Variants in FNIP2 observed in about 807,000 individuals in gnomAD.
FNIP2 encodes folliculin interacting protein 2.
FNIP2 carries 32 observed loss-of-function variants against 108.7 expected under a neutral mutation model. The ratio of observed to expected loss-of-function variants is 0.29; its 90% CI spans 0.22 to 0.40. The LOEUF (loss-of-function observed/expected upper bound fraction) is 0.40. FNIP2 is among the 10% of genes least tolerant of loss of function. The probability of loss-of-function intolerance (pLI) is 1.00; values close to 1 mark genes in which losing one functional copy is unlikely to be tolerated. For synonymous variants in FNIP2, 480 were observed against 496.7 expected, an observed-to-expected ratio of 0.97 and a Z score of 0.45; for missense variants, 1,202 against 1,381.6, an observed-to-expected ratio of 0.87 and a Z score of 2.06.
chr4:158,904,713 C>A lies in FNIP2; in HGVS notation c.*169C>A. 1.7e-6 allele frequency: 1 copy of A among 604,814 alleles called. No individual in the cohort carries two copies. Among genetic ancestry groups the A allele is most frequent in the Non-Finnish European group, 2.9e-6 (1 of 342,168 alleles). 37.5% of individuals were successfully genotyped at this position (604,814 alleles called of 1,614,324 possible). ...TGTCAAGCTGATGCTTCATTGAAGACTTAGGTTTACTTGACATAATAGCAT... is the reference window on the plus strand; with the variant it reads ...TGTCAAGCTGATGCTTCATTGAAGAATTAGGTTTACTTGACATAATAGCAT... On this transcript the variant is annotated 3_prime_UTR_variant, in exon 17 of 17. Transcript: ENST00000264433.
intron 1 of FNIP2, among the ~76,000 whole-genome samples, chr4:158,779,829 C>G (rs1036726904): frequency 5.3e-5 from 8 of 151,712 alleles, no homozygotes; most frequent in African/African-American, 9.7e-5. Context: ...GTGATTCCCC[C>G]ACCCTGAGCC....
chr4:158,806,452 C>A (rs1486622647), intron 1 of FNIP2: 3 of 1,267,426 alleles, frequency 2.4e-6, no homozygotes, highest in Non-Finnish European at 3.1e-6. Flanking sequence ...TTCAAAGTCT[C>A]AGATAATTTT....
chr4:158,870,503 G>T (rs1394858224), intron 14 of FNIP2, 34 bp downstream of exon 14: 1 of 1,575,476 alleles, frequency 6.3e-7, no homozygotes, highest in Non-Finnish European at 8.6e-7. Context: ...TCTGGCTGCT[G>T]ACAGTGTGTC....
At chr4:158,861,536 G>A (rs1578931062) in intron 11 of FNIP2, 48 bp downstream of exon 11, 1 of 1,613,660 alleles carries the variant, frequency 6.2e-7, no homozygotes. Context: ...CATGGCCAAT[G>A]TGTGTACTGC....
intron 7 of FNIP2, among the ~76,000 whole-genome samples, chr4:158,841,608 A>C (rs1343304055): frequency 1.3e-5 from 2 of 152,318 alleles, no homozygotes; most frequent in East Asian, 1.9e-4. Flanking sequence ...GCACAATTCC[A>C]TACAGGCAAA....
At chr4:158,852,153 G>T (rs1169811784) in intron 8 of FNIP2, among the ~76,000 whole-genome samples, 1 of 152,180 alleles carries the variant, frequency 6.6e-6, no homozygotes, top group Non-Finnish European at 1.5e-5. Flanking sequence ...CCTGTACTTG[G>T]ATAGTTTACA....
chr4:158,781,600 C>T (rs1266885928), intron 1 of FNIP2, among the ~76,000 whole-genome samples: 2 of 152,068 alleles, frequency 1.3e-5, no homozygotes, highest in East Asian at 1.9e-4. Context: ...CAGCAACCCC[C>T]GCCTCCCAGG....
rs981000618 is a variant in FNIP2 at position 158,829,158 on chromosome 4, G to GCAT, written c.316_318dup (p.Ile106dup). 4 of 1,613,004 alleles carry GCAT rather than the reference G, an allele frequency of 2.5e-6. No homozygotes were observed. The African/African-American group carries it at 4.0e-5, about 16-fold the overall frequency. ...AGTGTCAGCAGCAGTAGCAGCAGCA[G>GCAT]CATCTCTTCCCACAGTTCTTCTGGG... On this transcript the variant is annotated inframe_insertion, in exon 3 of 17. Transcript: ENST00000264433.
At chr4:158,884,584 G>A (rs1467533088) in intron 14 of FNIP2, among the ~76,000 whole-genome samples, 1 of 152,104 alleles carries the variant, frequency 6.6e-6, no homozygotes, top group Non-Finnish European at 1.5e-5. Flanking sequence ...AGGCATTCTG[G>A]GCACAACCTG....
At chr4:158,795,847 G>T (rs1288183073) in intron 1 of FNIP2, 1 of 152,238 alleles carries the variant, frequency 6.6e-6, no homozygotes, top group Non-Finnish European at 1.5e-5. Context: ...CTCCTTATGA[G>T]AATCTAACGC....
chr4:158,855,164 CT>C (rs1405659724), intron 8 of FNIP2, among the ~76,000 whole-genome samples: 1 of 152,174 alleles, frequency 6.6e-6, no homozygotes, highest in Non-Finnish European at 1.5e-5. Context: ...AAGTGTCATA[CT>C]TTGGGGTATC....
At chr4:158,861,823 GA>G (rs763771055) in intron 12 of FNIP2, 47 bp downstream of exon 12, 2 of 1,589,296 alleles carry the variant, frequency 1.3e-6, no homozygotes, top group Non-Finnish European at 1.7e-6. Context: ...GATGGAATAG[GA>G]AAAAAATGCT....
At chr4:158,855,551 G>A (rs1182409429) in intron 8 of FNIP2, among the ~76,000 whole-genome samples, 8 of 152,212 alleles carry the variant, frequency 5.3e-5, no homozygotes, top group Non-Finnish European at 1.2e-4. Flanking sequence ...GGGTTCAAGC[G>A]GTTCCCCTGC....
At chr4:158,821,471 C>T (rs923768933) in intron 1 of FNIP2, among the ~76,000 whole-genome samples, 2 of 152,204 alleles carry the variant, frequency 1.3e-5, no homozygotes, top group African/African-American at 2.4e-5. Context: ...GAACTGTGGT[C>T]AGTGCTCTTG....
chr4:158,874,907 C>G (rs1043763683), intron 14 of FNIP2, among the ~76,000 whole-genome samples: 2 of 128,822 alleles, frequency 1.6e-5, no homozygotes, highest in African/African-American at 6.0e-5. Context: ...AGTGAAACCC[C>G]GTCTCTACTA....
chr4:158,826,126 C>T (rs1578872258), intron 2 of FNIP2, 84 bp downstream of exon 2: 1 of 1,501,272 alleles, frequency 6.7e-7, no homozygotes, highest in Non-Finnish European at 9.0e-7. Flanking sequence ...CTATCATCTT[C>T]TCTTTGAGTT....
chr4:158,814,249 C>T (rs1367241270), intron 1 of FNIP2, among the ~76,000 whole-genome samples: 2 of 152,112 alleles, frequency 1.3e-5, no homozygotes, highest in Admixed American at 6.6e-5. Flanking sequence ...ATAGTGCAGT[C>T]GAGTTGGATG....
At chr4:158,799,317 C>A (rs1776687254) in intron 1 of FNIP2, among the ~76,000 whole-genome samples, 1 of 152,178 alleles carries the variant, frequency 6.6e-6, no homozygotes, top group Non-Finnish European at 1.5e-5. Context: ...CTGGAGATAG[C>A]CAAGAGTTCT....
At chr4:158,828,736 A>G (rs774866694) in intron 2 of FNIP2, among the ~76,000 whole-genome samples, 1 of 152,218 alleles carries the variant, frequency 6.6e-6, no homozygotes, top group South Asian at 2.1e-4. Flanking sequence ...CTCCTCATCA[A>G]TGTAATGGAT....
Sources: gnomAD v4.1 joint callset for allele counts (sites outside exome capture counted in the v4.1 genomes callset) on GRCh38, gnomAD v4.1.1 for gene constraint, MANE v1.5 for transcripts, NCBI Gene and HGNC (gene_info 2026-07-23, HGNC 2026-07-21) for gene names.